Variants in SYT1 observed in about 807,000 individuals in gnomAD.
SYT1 encodes synaptotagmin 1, also known as synaptotagmin-1.
In SYT1, 8 loss-of-function variants were observed where a neutral mutation model predicts 44.8. That is an observed-to-expected ratio of 0.18 (90% confidence interval 0.10 to 0.32). SYT1 has a LOEUF of 0.32. Among genes scored for constraint, SYT1 ranks in the 10% least tolerant of loss-of-function variants. The probability of loss-of-function intolerance (pLI) is 1.00; values close to 1 mark genes in which losing one functional copy is unlikely to be tolerated. For missense variants in SYT1, 286 were observed against 509.3 expected, an observed-to-expected ratio of 0.56 and a Z score of 4.22; for synonymous variants, 154 against 188.8, an observed-to-expected ratio of 0.82 and a Z score of 1.51.
chr12:79,123,081 A>G (rs1868306151), intron 3 of SYT1, among the ~76,000 whole-genome samples: 1 of 152,244 alleles, frequency 6.6e-6, no homozygotes, highest in South Asian at 2.1e-4. Flanking sequence ...TATGATGGAA[A>G]GAATAAAATA....
At chr12:79,062,514 A>T (rs767134068) in intron 3 of SYT1, among the ~76,000 whole-genome samples, 1 of 152,152 alleles carries the variant, frequency 6.6e-6, no homozygotes, top group Admixed American at 6.6e-5. Context: ...TTGCCATAAA[A>T]GGGTTGTGTT....
chr12:79,444,379 C>A (rs376293678), intron 10 of SYT1, among the ~76,000 whole-genome samples, 173 bp downstream of exon 10: 8 of 152,268 alleles, frequency 5.3e-5, no homozygotes, highest in Admixed American at 3.9e-4. Flanking sequence ...AAATATACAG[C>A]ACAGGATGTG....
intron 4 of SYT1, among the ~76,000 whole-genome samples, chr12:79,266,326 A>G (rs998777349): frequency 1.3e-5 from 2 of 152,188 alleles, no homozygotes; most frequent in Non-Finnish European, 2.9e-5. Flanking sequence ...GCAGATGTGA[A>G]ACAAAATAAA....
intron 3 of SYT1, among the ~76,000 whole-genome samples, chr12:79,057,683 C>T (rs530415290): frequency 2.3e-4 from 35 of 151,812 alleles, no homozygotes; most frequent in Admixed American, 6.6e-4. Context: ...TTTTAATACC[C>T]TCTATGTCTT....
chr12:79,054,113 T>C (rs1565784192), intron 3 of SYT1, among the ~76,000 whole-genome samples: 1 of 152,046 alleles, frequency 6.6e-6, no homozygotes, highest in African/African-American at 2.4e-5. Flanking sequence ...AAAATGTGGA[T>C]TGAAAGGTTT....
At position 79,149,010 on chromosome 12, in the gene SYT1, G is replaced by A. The variant is rs146508259; in HGVS notation, c.-17-68493G>A. Among the ~76,000 whole-genome samples the A allele has an allele frequency of 3.3e-5, 5 of 152,150 alleles. No homozygotes were observed. The East Asian group carries it at 7.7e-4, about 24-fold the overall frequency. The stretch of plus-strand genomic sequence containing the variant: ...CTTTGGAAGAATGTTACATCCTAAA[G>A]TTAAAAAGGAGAATTACTGGCAAAT... On this transcript the variant is annotated intron_variant, in intron 3 of 10. Coordinates refer to ENST00000261205, the MANE Select transcript of SYT1 (RefSeq NM_005639.3).
At chr12:79,050,607 C>T (rs1359129805) in intron 3 of SYT1, among the ~76,000 whole-genome samples, 5 of 151,922 alleles carry the variant, frequency 3.3e-5, no homozygotes, top group African/African-American at 4.8e-5. Context: ...TTTCCTAAGC[C>T]TCTTTAATAA....
At position 79,227,239 on chromosome 12, in the gene SYT1, A is replaced by T. The variant is rs576841407; in HGVS notation, c.166+9554A>T. ...TTAAATTAAGGCTTAAATTTTTTTT[A>T]AAAAAAGGAGAAGGAAATGGTAAAC... On this transcript the variant is annotated intron_variant, in intron 4 of 10. Transcript: ENST00000261205. 2.9e-4 allele frequency among the ~76,000 whole-genome samples: 44 copies of T among 152,178 alleles called. 1 individual carries two copies. The highest frequency in any genetic ancestry group is 6.5e-4 in the African/African-American group (27 of 41,544).
At chr12:79,077,928 G>C (rs1462305523) in intron 3 of SYT1, among the ~76,000 whole-genome samples, 1 of 151,748 alleles carries the variant, frequency 6.6e-6, no homozygotes, top group East Asian at 1.9e-4. Flanking sequence ...TCATTAAAAA[G>C]TACTACTCAC....
intron 1 of SYT1, among the ~76,000 whole-genome samples, chr12:78,875,700 T>G (rs1295699313): frequency 3.3e-5 from 5 of 151,796 alleles, no homozygotes; most frequent in Non-Finnish European, 4.4e-5. Flanking sequence ...ATATGCTGTC[T>G]CATTTCTGTG....
At chr12:78,883,929 T>C (rs1342318120) in intron 1 of SYT1, among the ~76,000 whole-genome samples, 1 of 151,708 alleles carries the variant, frequency 6.6e-6, no homozygotes, top group Admixed American at 6.6e-5. Flanking sequence ...GATTCATTTC[T>C]AGTAAAGAGA....
chr12:79,234,712 C>CTT (rs869074290), intron 4 of SYT1, among the ~76,000 whole-genome samples: 1,735 of 28,738 alleles, frequency 0.06, 13 homozygotes, highest in Middle Eastern at 0.093. Context: ...TTCTTTCTTT[C>CTT]TTTTTTTTTT....
At chr12:79,361,176 A>T (rs1218009952) in intron 9 of SYT1, among the ~76,000 whole-genome samples, 7 of 147,344 alleles carry the variant, frequency 4.8e-5, no homozygotes, top group Admixed American at 4.6e-4. Flanking sequence ...TGCATAGCAG[A>T]ATGTGAGCCC....
chr12:79,146,730 A>T (rs1869937248), intron 3 of SYT1, among the ~76,000 whole-genome samples: 1 of 152,254 alleles, frequency 6.6e-6, no homozygotes, highest in African/African-American at 2.4e-5. Flanking sequence ...AACAGAGGCC[A>T]TTGAAGTTCA....
rs140212434 is a variant in SYT1, at chr12:78,900,566, G to C, written c.-217+35457G>C. Among the ~76,000 whole-genome samples the C allele has an allele frequency of 1.3e-3, 196 of 152,152 alleles. 1 individual carries two copies. The highest frequency in any genetic ancestry group is 4.4e-3 in the African/African-American group (181 of 41,542). On this transcript the variant is annotated intron_variant, in intron 1 of 10. Coordinates refer to ENST00000261205, the MANE Select transcript of SYT1 (RefSeq NM_005639.3). ...AGAAAGAGCCAAATGTTCCAAGGGA[G>C]AGAGCTGATCTCGGTGTGTCTGAAA...
intron 9 of SYT1, among the ~76,000 whole-genome samples, chr12:79,370,490 C>T (rs1593008062): frequency 6.6e-6 from 1 of 152,136 alleles, no homozygotes; most frequent in Non-Finnish European, 1.5e-5. Context: ...GGGCCGGGCG[C>T]GGTGGCTCAC....
intron 2 of SYT1, among the ~76,000 whole-genome samples, chr12:78,987,765 T>C (rs1458048704): frequency 6.6e-6 from 1 of 152,072 alleles, no homozygotes; most frequent in Non-Finnish European, 1.5e-5. Flanking sequence ...AAAGAAGAGA[T>C]ATTACTAGTT....
At chr12:79,197,368 C>T (rs567670004) in intron 3 of SYT1, among the ~76,000 whole-genome samples, 35 of 152,064 alleles carry the variant, frequency 2.3e-4, no homozygotes, top group African/African-American at 8.2e-4. Flanking sequence ...TATTAGGGTA[C>T]AAAATTCAGG....
chr12:79,065,560 AAC>A (rs1875782134), intron 3 of SYT1, among the ~76,000 whole-genome samples: 1 of 152,178 alleles, frequency 6.6e-6, no homozygotes, highest in African/African-American at 2.4e-5. Flanking sequence ...TCCCAGTAAC[AAC>A]AGTTAGCAGT....
Sources: gnomAD v4.1 joint callset for allele counts (sites outside exome capture counted in the v4.1 genomes callset) on GRCh38, gnomAD v4.1.1 for gene constraint, MANE v1.5 for transcripts, NCBI Gene and HGNC (gene_info 2026-07-23, HGNC 2026-07-21) for gene names.